ST14: variants seen among roughly 807,000 people sequenced by gnomAD.
ST14 encodes the protein suppressor of tumorigenicity 14 protein.
ST14 carries 40 observed loss-of-function variants against 96.5 expected under a neutral mutation model. The observed-to-expected ratio is 0.41, with a 90% CI of 0.32 to 0.54. The LOEUF (loss-of-function observed/expected upper bound fraction) is 0.54, where lower values mean the gene tolerates loss of function less well. Ranked by LOEUF, ST14 falls within the 20% of genes least tolerant of loss-of-function variation. The pLI is 0.17. For missense variants in ST14, 1,066 were observed against 1,188.9 expected, an observed-to-expected ratio of 0.90 and a Z score of 1.52; for synonymous variants, 506 against 492.1, an observed-to-expected ratio of 1.03 and a Z score of -0.37.
At chr11:130,206,166 T>C (rs987913398) in intron 16 of ST14, among the ~76,000 whole-genome samples, 1 of 152,218 alleles carries the variant, frequency 6.6e-6, no homozygotes. Flanking sequence ...CCAGTTATCT[T>C]ACAGGATGCC....
intron 9 of ST14, among the ~76,000 whole-genome samples, chr11:130,195,404 G>T (rs1004069879): frequency 1.3e-5 from 2 of 152,104 alleles, no homozygotes; most frequent in Non-Finnish European, 2.9e-5. Context: ...AAGCTCCCTG[G>T]GCCTCAGCTT....
chr11:130,207,180 C>T (rs1023935015), intron 16 of ST14, among the ~76,000 whole-genome samples: 3 of 152,224 alleles, frequency 2.0e-5, no homozygotes, highest in African/African-American at 7.2e-5. Flanking sequence ...GCCCTGGTTC[C>T]TTTCAATAGA....
chr11:130,169,818 A>G (rs545610581), intron 1 of ST14, among the ~76,000 whole-genome samples: 1 of 152,342 alleles, frequency 6.6e-6, no homozygotes, highest in East Asian at 1.9e-4. Flanking sequence ...ATGTGGATTT[A>G]ATAAAAAGTC....
At chr11:130,164,629 A>G (rs1953026795) in intron 1 of ST14, among the ~76,000 whole-genome samples, 1 of 151,766 alleles carries the variant, frequency 6.6e-6, no homozygotes, top group African/African-American at 2.4e-5. Context: ...ATGTTGCCCA[A>G]GCTGGTCTTG....
In ST14 at chr11:130,199,299, G is replaced by A. The variant is rs367942757; in HGVS notation, c.1807+230G>A. ...AGGCCCGTACGGCCAGCATCTCAGC[G>A]CCTCTGTAGCATGGCGGGGTCGTGG... On this transcript the variant is annotated intron_variant, in intron 15 of 18. Transcript: ENST00000278742. Among the ~76,000 whole-genome samples the A allele has an allele frequency of 2.6e-3, 392 of 152,336 alleles. 1 individual carries two copies. The highest frequency in any genetic ancestry group is 9.1e-3 in the African/African-American group (377 of 41,584).
At chr11:130,169,521 G>A (rs1011319236) in intron 1 of ST14, among the ~76,000 whole-genome samples, 2 of 152,172 alleles carry the variant, frequency 1.3e-5, no homozygotes, top group Non-Finnish European at 2.9e-5. Context: ...GCATCCTCGT[G>A]TTGGAGCTGT....
At chr11:130,163,900 C>T (rs887401170) in intron 1 of ST14, among the ~76,000 whole-genome samples, 1 of 152,220 alleles carries the variant, frequency 6.6e-6, no homozygotes, top group Admixed American at 6.5e-5. Context: ...CCTGTTGCCA[C>T]GTTGTCACCG....
In ST14 at chr11:130,190,662, C is replaced by T; in HGVS notation, c.843C>T (p.Thr281=). 1 of 1,601,636 alleles carries T rather than the reference C, an allele frequency of 6.2e-7. No individual in the cohort carries two copies. Residue 281 remains threonine (T), a synonymous_variant, in exon 7 of 19, where the codon ACC becomes ACT. Coordinates refer to ENST00000278742, the MANE Select transcript of ST14 (RefSeq NM_021978.4). ...GCGACCTGGTGACGGTGTACAACAC[C>T]CTGAGCCCCATGGAGCCCCACGCCC... ...RGSDLVTVYN[T]LSPMEPHALV...
At chr11:130,209,281 T>TAA (rs1953521678) in intron 17 of ST14, among the ~76,000 whole-genome samples, 161 bp from the exon 18 acceptor site, 1 of 152,116 alleles carries the variant, frequency 6.6e-6, no homozygotes. Flanking sequence ...AGGTGGCTGC[T>TAA]ATTGCCAGAG....
chr11:130,160,112 C>T, intron 1 of ST14, 52 bp downstream of exon 1: 1 of 1,265,736 alleles, frequency 7.9e-7, no homozygotes, highest in Non-Finnish European at 1.0e-6. Flanking sequence ...CCCGCCCGAC[C>T]CTGCAGCGCG....
chr11:130,188,394 C>T lies in ST14; in HGVS notation c.241+121C>T. On this transcript the variant is annotated intron_variant, in intron 2 of 18. Transcript: ENST00000278742. The surrounding 1 kb of genome is among the most constrained non-coding windows in gnomAD (Gnocchi z 5.4). ...GAGGATCTCTTGGCCTCTCTGGAAC[C>T]CTGATGGGGAGTGATGGGAAGCAGT... 6.3e-7 allele frequency: 1 copy of T among 1,585,472 alleles called. No individual in the cohort carries two copies. The highest frequency in any genetic ancestry group is 1.3e-5 in the African/African-American group (1 of 74,628).
At position 130,174,552 on chromosome 11, in the gene ST14, G is replaced by A. The variant is rs753921443; in HGVS notation, c.82-13562G>A. Among the ~76,000 whole-genome samples the A allele has an allele frequency of 3.9e-5, 6 of 152,052 alleles. No homozygotes were observed. In the South Asian group the frequency reaches 6.2e-4, roughly 16 times the overall value. On this transcript the variant is annotated intron_variant, in intron 1 of 18. Coordinates refer to ENST00000278742, the MANE Select transcript of ST14 (RefSeq NM_021978.4). ...GGGTGGCAGTTATTACCAACTCCCC[G>A]TATAGAGCCACCCTTGACATAAGTA... is the stretch of plus-strand genomic sequence containing the variant.
In ST14 at chr11:130,190,344, C is replaced by T. The variant is rs115543135; in HGVS notation, c.635-110C>T. 5,826 of 1,553,498 alleles carry T rather than the reference C, an allele frequency of 3.8e-3. 144 individuals are homozygous for T. In the African/African-American group the frequency reaches 0.059, roughly 16 times the overall value. ...TCCCGAGGCCCAGGGCAGCCTGGGG[C>T]GTCTCGAAGGGGCGAGGCCTGAGGT... On this transcript the variant is annotated intron_variant, in intron 6 of 18. Transcript: ENST00000278742.
In ST14 at chr11:130,173,540, G is replaced by A. The variant is rs944216371; in HGVS notation, c.81+13480G>A. ...GAACCTGGGAGGCGGAGGTTGTGGTGAGCTAAGATGGTGCCACTGCACTCC... is the reference window on the plus strand; with the variant it reads ...GAACCTGGGAGGCGGAGGTTGTGGTAAGCTAAGATGGTGCCACTGCACTCC... On this transcript the variant is annotated intron_variant, in intron 1 of 18. Transcript: ENST00000278742. 3.3e-5 allele frequency among the ~76,000 whole-genome samples: 5 copies of A among 151,206 alleles called. No homozygotes were observed. In the East Asian group the frequency reaches 5.8e-4, roughly 18 times the overall value.
In ST14 at chr11:130,164,423, GT is replaced by G. The variant is rs559501197; in HGVS notation, c.81+4378del. On this transcript the variant is annotated intron_variant, in intron 1 of 18. Transcript: ENST00000278742. ...CTCAGAGACAAGTGTTGTTATTACT[GT>G]TTTTTTTTTTTTTTAGACAGGGTCT... Among the ~76,000 whole-genome samples, 808 of 137,370 alleles carry G rather than the reference GT, an allele frequency of 5.9e-3. 4 individuals are homozygous for G. The highest frequency in any genetic ancestry group is 0.013 in the East Asian group (63 of 4,768). The allele number at this position is 137,370 out of a possible 152,430, so 90.1% of individuals were successfully genotyped here.
At chr11:130,161,928 T>G (rs1230264158) in intron 1 of ST14, among the ~76,000 whole-genome samples, 1 of 152,098 alleles carries the variant, frequency 6.6e-6, no homozygotes, top group Non-Finnish European at 1.5e-5. Flanking sequence ...CCAGAGGAAA[T>G]TGGCCAAAGC....
chr11:130,180,405 G>A (rs572711585), intron 1 of ST14, among the ~76,000 whole-genome samples: 51 of 152,338 alleles, frequency 3.3e-4, no homozygotes, highest in South Asian at 6.2e-4. Flanking sequence ...GGTCTGGCCC[G>A]AAGCTTCATT....
chr11:130,204,421 G>C (rs1417816282), intron 16 of ST14, among the ~76,000 whole-genome samples: 1 of 152,218 alleles, frequency 6.6e-6, no homozygotes, highest in Non-Finnish European at 1.5e-5. Flanking sequence ...TTTTCTGGTG[G>C]CAACAGATTA....
At chr11:130,170,148 A>T (rs1463824428) in intron 1 of ST14, among the ~76,000 whole-genome samples, 1 of 152,130 alleles carries the variant, frequency 6.6e-6, no homozygotes, top group East Asian at 1.9e-4. Flanking sequence ...GATCCGGCAA[A>T]GTCGAACTTT....
Sources: allele counts gnomAD v4.1 joint callset (sites outside exome capture counted in the v4.1 genomes callset), GRCh38; gene constraint gnomAD v4.1.1; non-coding constraint Gnocchi (gnomAD v3.1); transcripts MANE v1.5; gene names NCBI Gene and HGNC (gene_info 2026-07-23, HGNC 2026-07-21).